The following REPS2 variants were observed in gnomAD, a reference collection of about 807,000 sequenced individuals.
REPS2 encodes RALBP1 associated Eps domain containing 2.
Under a neutral mutation model 53.6 loss-of-function variants are expected in REPS2, and 23 were observed. The ratio of observed to expected loss-of-function variants is 0.43; its 90% CI spans 0.31 to 0.61. REPS2 has a LOEUF of 0.61. Among genes scored for constraint, REPS2 ranks in the 20% least tolerant of loss-of-function variants. REPS2 has a pLI of 0.11. For missense variants in REPS2, 446 were observed against 534.9 expected, an observed-to-expected ratio of 0.83 and a Z score of 1.64; for synonymous variants, 238 against 218.6, an observed-to-expected ratio of 1.09 and a Z score of -0.78.
At chrX:17,194,373 T>A in the REPS2 span, among the ~76,000 whole-genome samples, 4 of 111,439 alleles carry the variant, frequency 3.6e-5, no homozygotes, top group Non-Finnish European at 7.5e-5. Flanking sequence ...GGTATGTACA[T>A]CCCATGAAAA....
intron 6 of REPS2, among the ~76,000 whole-genome samples, chrX:17,047,780 T>C (rs2061928347): frequency 8.9e-6 from 1 of 112,877 alleles, no homozygotes; most frequent in Non-Finnish European, 1.9e-5. Context: ...AGGGGCCACC[T>C]CTCATTGCTT....
rs1467551013 is a variant in REPS2, at chrX:16,965,623, C to T, written c.273+18489C>T. Among the ~76,000 whole-genome samples, 9 of 105,643 alleles carry T rather than the reference C, an allele frequency of 8.5e-5. No individual in the cohort carries two copies. In the South Asian group the frequency reaches 1.3e-3, roughly 15 times the overall value. 91.7% of individuals were successfully genotyped at this position (105,643 alleles called of 115,157 possible). ...GCAGAGGTGCTCCCCACATCTCAGA[C>T]GATGGGCGGCCGGGCAGAGACGCTC... On this transcript the variant is annotated intron_variant, in intron 1 of 17. Coordinates refer to ENST00000357277, the MANE Select transcript of REPS2 (RefSeq NM_004726.3).
chrX:17,189,493 C>T, the REPS2 span, among the ~76,000 whole-genome samples: 17 of 110,764 alleles, frequency 1.5e-4, no homozygotes, highest in South Asian at 6.2e-3. Context: ...CGTCATGTTG[C>T]CCAGGCTGGT....
chrX:17,134,554 T>C (rs2063336733), intron 15 of REPS2, among the ~76,000 whole-genome samples: 1 of 112,037 alleles, frequency 8.9e-6, no homozygotes, highest in South Asian at 3.8e-4. Context: ...TATGTAGGAA[T>C]TGGGGATAGG....
intron 13 of REPS2, among the ~76,000 whole-genome samples, 185 bp from the exon 14 acceptor site, chrX:17,103,533 A>C (rs2062834430): frequency 8.9e-6 from 1 of 112,028 alleles, no homozygotes; most frequent in African/African-American, 3.2e-5. Flanking sequence ...AGTTTGGGTT[A>C]GGATGACAAT....
At chrX:16,975,925 A>G (rs2060949806) in intron 1 of REPS2, among the ~76,000 whole-genome samples, 1 of 112,425 alleles carries the variant, frequency 8.9e-6, no homozygotes, top group Admixed American at 9.4e-5. Context: ...AATTTAATTT[A>G]AAGTTCACTA....
At chrX:17,027,246 C>T (rs2061656902) in intron 4 of REPS2, among the ~76,000 whole-genome samples, 1 of 112,138 alleles carries the variant, frequency 8.9e-6, no homozygotes, top group South Asian at 3.7e-4. Context: ...TTCTGATTTT[C>T]ATCACCATCA....
intron 7 of REPS2, among the ~76,000 whole-genome samples, chrX:17,053,509 C>T (rs958586964): frequency 5.4e-5 from 6 of 110,951 alleles, no homozygotes; most frequent in African/African-American, 2.0e-4. Flanking sequence ...TCCCAGCTAG[C>T]TTTTCATTTT....
At chrX:17,166,373 A>G in the REPS2 span, among the ~76,000 whole-genome samples, 3,999 of 111,922 alleles carry the variant, frequency 0.036, 186 homozygotes, top group African/African-American at 0.12. Context: ...TTTCATTGCT[A>G]CTAATACACA....
intron 13 of REPS2, among the ~76,000 whole-genome samples, chrX:17,080,551 C>T (rs1374885564): frequency 8.9e-6 from 1 of 111,844 alleles, no homozygotes; most frequent in African/African-American, 3.3e-5. Flanking sequence ...GTTGGAGTTG[C>T]AGGGTCAAAG....
At chrX:17,026,769 A>G (rs908603064) in intron 4 of REPS2, among the ~76,000 whole-genome samples, 2 of 110,924 alleles carry the variant, frequency 1.8e-5, no homozygotes, top group Admixed American at 1.9e-4. Flanking sequence ...TAAAATATAC[A>G]TATGATAAAA....
At chrX:16,989,992 T>C (rs2061142143) in intron 1 of REPS2, among the ~76,000 whole-genome samples, 1 of 112,338 alleles carries the variant, frequency 8.9e-6, no homozygotes, top group Admixed American at 9.4e-5. Context: ...GTGAATGTTT[T>C]ATAGGAGTTT....
intron 1 of REPS2, among the ~76,000 whole-genome samples, chrX:16,961,522 C>T (rs1223683762): frequency 1.8e-5 from 2 of 111,833 alleles, no homozygotes; most frequent in African/African-American, 3.2e-5. Flanking sequence ...ATGTTAATAA[C>T]TCAAACCATT....
intron 1 of REPS2, among the ~76,000 whole-genome samples, chrX:16,994,862 G>A (rs1469621309): frequency 1.8e-5 from 2 of 111,943 alleles, no homozygotes; most frequent in Non-Finnish European, 3.8e-5. Flanking sequence ...CTGGCAGAGC[G>A]TAGGTCTTGT....
At position 16,946,753 on chromosome X, in the gene REPS2, T is replaced by TGGCGGC. The variant is rs746608999; in HGVS notation, c.-93_-88dup. On this transcript the variant is annotated 5_prime_UTR_variant, in exon 1 of 18. Coordinates refer to ENST00000357277, the MANE Select transcript of REPS2 (RefSeq NM_004726.3). ...GGGGTGGTGGTGGCGGCGGCGGTGG[T>TGGCGGC]GGCGGCGGCGGCGGCGGCGGCAGCT... is the stretch of plus-strand genomic sequence containing the variant. The TGGCGGC allele has an allele frequency of 2.1e-3, 1,541 of 722,218 alleles. 26 individuals are homozygous for TGGCGGC. In the African/African-American group the frequency reaches 0.034, roughly 16 times the overall value. 59.5% of individuals were successfully genotyped at this position (722,218 alleles called of 1,213,427 possible). A position where few individuals can be genotyped will look rare whatever the true frequency, so the allele number is the denominator to read the frequency against.
In REPS2 at chrX:17,074,161, T is replaced by C; in HGVS notation, c.1379+2T>C. ...TCTCAAAGCAAGACCAAGATCCAGG[T>C]AGTGTTCGTTTAATTTCTGCTTTAA... is the stretch of plus-strand genomic sequence containing the variant. On this transcript the variant is annotated splice_donor_variant, in intron 12 of 17. Transcript: ENST00000357277. LOFTEE classifies it high-confidence loss of function. The C allele has an allele frequency of 8.3e-6, 10 of 1,208,425 alleles. No homozygotes were observed. The highest frequency in any genetic ancestry group is 1.1e-5 in the Non-Finnish European group (10 of 892,989).
intron 1 of REPS2, among the ~76,000 whole-genome samples, chrX:16,976,274 C>T (rs2060953942): frequency 9.0e-6 from 1 of 111,217 alleles, no homozygotes; most frequent in African/African-American, 3.3e-5. Context: ...AACTCTAAAT[C>T]CTGGTAAGGG....
intron 14 of REPS2, among the ~76,000 whole-genome samples, chrX:17,122,472 A>G (rs1179895390): frequency 8.9e-6 from 1 of 112,425 alleles, no homozygotes; most frequent in Non-Finnish European, 1.9e-5. Flanking sequence ...GATTTGGGCA[A>G]TTATGAATAG....
At chrX:17,083,685 A>T (rs1338618994) in intron 13 of REPS2, among the ~76,000 whole-genome samples, 1 of 111,585 alleles carries the variant, frequency 9.0e-6, no homozygotes, top group Non-Finnish European at 1.9e-5. Flanking sequence ...GTTCTCTAAA[A>T]GATGAATTTG....
Sources: allele counts gnomAD v4.1 joint callset (sites outside exome capture counted in the v4.1 genomes callset), GRCh38; gene constraint gnomAD v4.1.1; transcripts MANE v1.5; gene names NCBI Gene and HGNC (gene_info 2026-07-23, HGNC 2026-07-21).